The following ZNF469 variants were observed in gnomAD, a reference collection of about 807,000 sequenced individuals.
ZNF469 encodes the protein zinc finger protein 469.
Under a neutral mutation model 1.0 loss-of-function variants are expected in ZNF469, and 1 was observed. The observed-to-expected ratio is 1.00, with a 90% confidence interval of 0.35 to 4.73. ZNF469 has a LOEUF of 4.73. ZNF469 is among the 30% of genes most tolerant of loss of function. ZNF469 has a pLI of 0.16. For missense variants in ZNF469, 6,100 were observed against 5,356.3 expected (o/e 1.14, Z -4.33); for synonymous variants, 2,703 against 2,363.4 (o/e 1.14, Z -4.17).
chr16:88,127,934 G>T, the ZNF469 span, among the ~76,000 whole-genome samples: 2 of 152,132 alleles, frequency 1.3e-5, no homozygotes, highest in Non-Finnish European at 2.9e-5. Flanking sequence ...TTCCCAAAAC[G>T]CCTCCCCAGA....
chr16:88,234,750 C>T, the ZNF469 span: 1 of 152,248 alleles, frequency 6.6e-6, no homozygotes, highest in Admixed American at 6.5e-5. Flanking sequence ...GAGCAGAGGG[C>T]CGCACCGCCC....
the ZNF469 span, among the ~76,000 whole-genome samples, chr16:88,368,762 G>A: frequency 6.6e-6 from 1 of 152,188 alleles, no homozygotes; most frequent in Admixed American, 6.5e-5. Flanking sequence ...TGTGGCCTCA[G>A]CAGTGCCACC....
chr16:88,376,656 G>C, the ZNF469 span, among the ~76,000 whole-genome samples: 3,635 of 152,358 alleles, frequency 0.024, 178 homozygotes, highest in African/African-American at 0.082. Context: ...GGGATGCTCC[G>C]GCTGAGCGTG....
chr16:88,312,479 T>C, the ZNF469 span, among the ~76,000 whole-genome samples: 28 of 152,266 alleles, frequency 1.8e-4, no homozygotes, highest in Admixed American at 4.6e-4. Flanking sequence ...TCCCCAATTC[T>C]TCACTTGCTC....
At chr16:88,167,531 C>T in the ZNF469 span, among the ~76,000 whole-genome samples, 1 of 152,210 alleles carries the variant, frequency 6.6e-6, no homozygotes, top group Admixed American at 6.5e-5. Context: ...CACTGAGCGA[C>T]ACATTAGATT....
At chr16:88,101,220 G>A in the ZNF469 span, among the ~76,000 whole-genome samples, 1 of 152,256 alleles carries the variant, frequency 6.6e-6, no homozygotes, top group Admixed American at 6.5e-5. Flanking sequence ...CCGAGGGGGT[G>A]CACGCAGGGG....
At chr16:88,220,070 T>G in the ZNF469 span, among the ~76,000 whole-genome samples, 1 of 152,208 alleles carries the variant, frequency 6.6e-6, no homozygotes, top group South Asian at 2.1e-4. Flanking sequence ...TCATGATGCC[T>G]TCCAAAGACA....
the ZNF469 span, among the ~76,000 whole-genome samples, chr16:88,115,949 C>T: frequency 1.3e-5 from 2 of 152,346 alleles, no homozygotes; most frequent in Admixed American, 6.5e-5. Flanking sequence ...CCATCTCCCT[C>T]GTGTAAGGAT....
At chr16:88,267,225 G>A in the ZNF469 span, among the ~76,000 whole-genome samples, 4 of 152,190 alleles carry the variant, frequency 2.6e-5, no homozygotes, top group Admixed American at 2.6e-4. Flanking sequence ...GCTGCCGAGG[G>A]CTTGCTCCTG....
chr16:88,119,250 G>C, the ZNF469 span, among the ~76,000 whole-genome samples: 1 of 152,150 alleles, frequency 6.6e-6, no homozygotes, highest in South Asian at 2.1e-4. Context: ...CCTGGGAAGC[G>C]GGTCTGAAAT....
the ZNF469 span, among the ~76,000 whole-genome samples, chr16:88,371,863 A>T: frequency 6.6e-6 from 1 of 151,022 alleles, no homozygotes; most frequent in African/African-American, 2.4e-5. Context: ...CATCACCATC[A>T]CCATCATCGT....
the ZNF469 span, among the ~76,000 whole-genome samples, chr16:88,344,318 T>C: frequency 1.3e-5 from 2 of 152,154 alleles, no homozygotes; most frequent in Non-Finnish European, 1.5e-5. Context: ...CGATGCTGGT[T>C]CCTTAGTTCT....
the ZNF469 span, among the ~76,000 whole-genome samples, chr16:88,102,808 T>C: frequency 3.3e-5 from 5 of 151,988 alleles, no homozygotes; most frequent in Non-Finnish European, 5.9e-5. Flanking sequence ...GCAGGGCCCC[T>C]GATCGCCGCC....
chr16:88,387,414 C>T lies in ZNF469; in HGVS notation c.-192+4160C>T, dbSNP rs186517858. ...CCCCCGGGTGCCGGGGGACTCGGGC[C>T]GCGGTCAGCACAGCCTCCAGATGTT... On this transcript the variant is annotated intron_variant, in intron 1 of 2. Transcript: ENST00000565624. Among the ~76,000 whole-genome samples, 296 of 152,274 alleles carry T rather than the reference C, an allele frequency of 1.9e-3. 3 individuals are homozygous for T. Among genetic ancestry groups the T allele is most frequent in the Middle Eastern group, 6.8e-3 (2 of 294 alleles).
the ZNF469 span, among the ~76,000 whole-genome samples, chr16:88,163,087 G>GCATGA: frequency 5.4e-4 from 82 of 151,416 alleles, no homozygotes; most frequent in African/African-American, 1.9e-3. Context: ...GTTGATGGAT[G>GCATGA]CATGACTGGG....
chr16:88,162,934 C>T, the ZNF469 span, among the ~76,000 whole-genome samples: 2 of 152,124 alleles, frequency 1.3e-5, no homozygotes, highest in Non-Finnish European at 2.9e-5. Context: ...AACACAAGGC[C>T]CTTTAAAGTT....
At chr16:88,388,852 G>A (rs1481252960) in intron 1 of ZNF469, among the ~76,000 whole-genome samples, 1 of 151,840 alleles carries the variant, frequency 6.6e-6, no homozygotes, top group African/African-American at 2.4e-5. Context: ...TCTCCATACT[G>A]GAGGAAGCTG....
chr16:88,409,118 C>G (rs1283133274), intron 1 of ZNF469, among the ~76,000 whole-genome samples: 2 of 152,184 alleles, frequency 1.3e-5, no homozygotes, highest in East Asian at 3.9e-4. Flanking sequence ...GGTCATGGGA[C>G]CAGAGACCCC....
rs373709704 is a variant in ZNF469, at chr16:88,422,893, T to TGGAC, written c.-191-1909_-191-1906dup. On this transcript the variant is annotated intron_variant, in intron 1 of 2. Transcript: ENST00000565624. Reference sequence around the variant, plus strand: ...ATGAGTGAATGGATGGATGGATGGATGGACGGACAGACGGACGGATGGGTG... The same window carrying TGGAC: ...ATGAGTGAATGGATGGATGGATGGATGGACGGACGGACAGACGGACGGATGGGTG... Among the ~76,000 whole-genome samples, 337 of 41,144 alleles carry TGGAC rather than the reference T, an allele frequency of 8.2e-3. 2 individuals are homozygous for TGGAC. Among genetic ancestry groups the TGGAC allele is most frequent in the African/African-American group, 0.016 (322 of 20,242 alleles). The allele number at this position is 41,144 out of a possible 152,430, so 27.0% of individuals were successfully genotyped here. A position where few individuals can be genotyped will look rare whatever the true frequency, so the allele number is the denominator to read the frequency against.
Sources: gnomAD v4.1 joint callset for allele counts (sites outside exome capture counted in the v4.1 genomes callset) on GRCh38, gnomAD v4.1.1 for gene constraint, MANE v1.5 for transcripts, NCBI Gene and HGNC (gene_info 2026-07-23, HGNC 2026-07-21) for gene names.